Variants in NDUFAF6 observed in about 807,000 individuals in gnomAD.
NDUFAF6 encodes the protein NADH:ubiquinone oxidoreductase complex assembly factor 6.
NDUFAF6 carries 45 observed loss-of-function variants against 40.8 expected under a neutral mutation model. The ratio of observed to expected loss-of-function variants is 1.10; its 90% CI spans 0.87 to 1.42. The LOEUF (loss-of-function observed/expected upper bound fraction) is 1.42, where lower values mean the gene tolerates loss of function less well. Ranked by LOEUF, NDUFAF6 falls within the 40% of genes most tolerant of loss-of-function variation. NDUFAF6 has a pLI of 0.00. For synonymous variants in NDUFAF6, 185 were observed against 155.9 expected, an observed-to-expected ratio of 1.19 and a Z score of -1.39; for missense variants, 435 against 418.5, an observed-to-expected ratio of 1.04 and a Z score of -0.34.
At chr8:95,007,397 C>G (rs922693171) in intron 2 of NDUFAF6, among the ~76,000 whole-genome samples, 4 of 151,974 alleles carry the variant, frequency 2.6e-5, no homozygotes, top group Non-Finnish European at 5.9e-5. Context: ...AGGCACATGA[C>G]TCATGCCCAT....
intron 1 of NDUFAF6, among the ~76,000 whole-genome samples, chr8:94,904,792 C>T (rs1818283409): frequency 2.0e-5 from 3 of 152,062 alleles, no homozygotes. Context: ...TCACCTTCTG[C>T]TTCCTGACCA....
At chr8:95,082,998 C>T (rs1808928227) in intron 2 of NDUFAF6, among the ~76,000 whole-genome samples, 1 of 152,106 alleles carries the variant, frequency 6.6e-6, no homozygotes, top group South Asian at 2.1e-4. Flanking sequence ...CCAGGCTGGT[C>T]TCGAGCTCCT....
intron 2 of NDUFAF6, among the ~76,000 whole-genome samples, chr8:95,008,204 G>C (rs1827083986): frequency 6.6e-6 from 1 of 152,172 alleles, no homozygotes; most frequent in African/African-American, 2.4e-5. Context: ...AGAATATTTA[G>C]TTGATTTGGG....
Position 95,058,470 on chromosome 8 carries a change from G to A in NDUFAF6, c.*533G>A, listed in dbSNP as rs747404008. 96 of 1,229,342 alleles carry A rather than the reference G, an allele frequency of 7.8e-5. No homozygotes were observed. The highest frequency in any genetic ancestry group is 9.5e-5 in the Non-Finnish European group (94 of 986,978). The allele number at this position is 1,229,342 out of a possible 1,614,324, so 76.2% of individuals were successfully genotyped here. On this transcript the variant is annotated 3_prime_UTR_variant, in exon 9 of 9. Coordinates refer to ENST00000396124, the MANE Select transcript of NDUFAF6 (RefSeq NM_152416.4). ...TAACGTTTAATTTTTACAATCTTGT[G>A]TAAAAATTTATCCATGATAATAACA... is the stretch of plus-strand genomic sequence containing the variant.
intron 2 of NDUFAF6, among the ~76,000 whole-genome samples, chr8:94,993,449 G>T (rs1462873984): frequency 1.3e-5 from 2 of 152,240 alleles, no homozygotes; most frequent in Non-Finnish European, 1.5e-5. Flanking sequence ...CTTGTGACTT[G>T]ATTTGACCAA....
At chr8:94,983,039 G>A (rs1397708297) in intron 2 of NDUFAF6, among the ~76,000 whole-genome samples, 1 of 152,032 alleles carries the variant, frequency 6.6e-6, no homozygotes, top group Non-Finnish European at 1.5e-5. Flanking sequence ...CCTCTATTTT[G>A]GTTCTTCTAC....
intron 2 of NDUFAF6, among the ~76,000 whole-genome samples, chr8:95,093,019 A>G (rs1335966396): frequency 6.6e-6 from 1 of 152,180 alleles, no homozygotes; most frequent in African/African-American, 2.4e-5. Flanking sequence ...TGAATTATAG[A>G]AAACATATGC....
At chr8:94,936,904 G>A (rs1050338873) in intron 1 of NDUFAF6, among the ~76,000 whole-genome samples, 4 of 152,252 alleles carry the variant, frequency 2.6e-5, no homozygotes, top group East Asian at 1.9e-4. Context: ...AATGAGAACC[G>A]TTCTGCCAGC....
At chr8:95,031,570 A>G (rs878883267) in intron 1 of NDUFAF6, among the ~76,000 whole-genome samples, 28 of 152,306 alleles carry the variant, frequency 1.8e-4, no homozygotes, top group Admixed American at 1.5e-3. Context: ...AAAATAAGAC[A>G]TGTCAGGCCT....
chr8:95,059,959 G>A (rs186094534), downstream of NDUFAF6, among the ~76,000 whole-genome samples: 1 of 138,012 alleles, frequency 7.2e-6, no homozygotes, highest in South Asian at 2.3e-4. Context: ...AGGGAGCATT[G>A]TCTGCAGGTC....
chr8:95,047,141 T>G lies in NDUFAF6; in HGVS notation c.714+14T>G. The G allele has an allele frequency of 6.2e-7, 1 of 1,614,116 alleles. No individual in the cohort carries two copies. The highest frequency in any genetic ancestry group is 8.5e-7 in the Non-Finnish European group (1 of 1,179,978). On this transcript the variant is annotated intron_variant, in intron 6 of 8. Coordinates refer to ENST00000396124, the MANE Select transcript of NDUFAF6 (RefSeq NM_152416.4). ...ATTTGTATGCTGGTAAGGCTGTAAT[T>G]TGTACCTTTGAATAATTTACCTCAG... is the stretch of plus-strand genomic sequence containing the variant.
At chr8:95,045,683 A>G in intron 5 of NDUFAF6, 36 bp downstream of exon 5, 1 of 1,509,628 alleles carries the variant, frequency 6.6e-7, no homozygotes, top group Non-Finnish European at 9.2e-7. Flanking sequence ...TCTTTTTTCC[A>G]ATAAAATACC....
intron 1 of NDUFAF6, among the ~76,000 whole-genome samples, chr8:94,924,617 C>T (rs1819735502): frequency 6.6e-6 from 1 of 152,204 alleles, no homozygotes; most frequent in South Asian, 2.1e-4. Context: ...CTTCTAGACT[C>T]CATACAGTCA....
chr8:94,931,471 T>C (rs1422445102), intron 1 of NDUFAF6, among the ~76,000 whole-genome samples: 2 of 152,114 alleles, frequency 1.3e-5, no homozygotes, highest in Non-Finnish European at 2.9e-5. Context: ...GTAGGATTGC[T>C]GTAAACTATG....
intron 1 of NDUFAF6, among the ~76,000 whole-genome samples, chr8:94,898,309 A>G (rs572759077): frequency 6.6e-6 from 1 of 152,228 alleles, no homozygotes; most frequent in Non-Finnish European, 1.5e-5. Context: ...GATACCCATC[A>G]CATTTAGATG....
chr8:95,109,455 A>G (rs1809930609), intron 4 of NDUFAF6, among the ~76,000 whole-genome samples: 1 of 152,210 alleles, frequency 6.6e-6, no homozygotes. Flanking sequence ...CAGGCTGTTT[A>G]TCCATTGGAA....
intron 2 of NDUFAF6, among the ~76,000 whole-genome samples, chr8:94,948,221 T>C (rs1822186003): frequency 6.6e-6 from 1 of 152,198 alleles, no homozygotes; most frequent in Admixed American, 6.5e-5. Flanking sequence ...AGCTGCCACT[T>C]TGAAATACAA....
intron 2 of NDUFAF6, among the ~76,000 whole-genome samples, chr8:94,981,306 C>T (rs550702363): frequency 5.1e-4 from 78 of 152,344 alleles, no homozygotes; most frequent in African/African-American, 1.8e-3. Context: ...TGGCAGGAGG[C>T]CCTCACCAGA....
At position 95,048,289 on chromosome 8, in the gene NDUFAF6, CACAT is replaced by C. The variant is rs573648038; in HGVS notation, c.715-163_715-160del. On this transcript the variant is annotated intron_variant, in intron 6 of 8. Coordinates refer to ENST00000396124, the MANE Select transcript of NDUFAF6 (RefSeq NM_152416.4). The stretch of plus-strand genomic sequence containing the variant: ...ACACATGCACACACACGCACGTGCT[CACAT>C]ACATTTCTAAAGACAAAATAGGCAT... Among the ~76,000 whole-genome samples, 16 of 152,216 alleles carry C rather than the reference CACAT, an allele frequency of 1.1e-4. No individual in the cohort carries two copies. The South Asian group carries it at 3.3e-3, about 32-fold the overall frequency.
Sources: gnomAD v4.1 joint callset for allele counts (sites outside exome capture counted in the v4.1 genomes callset) on GRCh38, gnomAD v4.1.1 for gene constraint, MANE v1.5 for transcripts, NCBI Gene and HGNC (gene_info 2026-07-23, HGNC 2026-07-21) for gene names.